Variants in CFAP54 observed in about 807,000 individuals in gnomAD.
The protein encoded by CFAP54 is cilia- and flagella-associated protein 54.
In CFAP54, 290 loss-of-function variants were observed where a neutral mutation model predicts 370.4. The observed-to-expected ratio is 0.78, with a 90% CI of 0.71 to 0.86. The LOEUF is 0.86. Ranked by LOEUF, CFAP54 falls within the 40% of genes least tolerant of loss-of-function variation. CFAP54 has a pLI of 0.00. For missense variants in CFAP54, 3,399 were observed against 3,528.7 expected (o/e 0.96, Z 0.93); for synonymous variants, 1,206 against 1,236.5 (o/e 0.98, Z 0.52).
intron 55 of CFAP54, among the ~76,000 whole-genome samples, chr12:96,751,871 GGCACCT>G: frequency 6.6e-6 from 1 of 152,092 alleles, no homozygotes; most frequent in East Asian, 1.9e-4. Flanking sequence ...TATTTAGAAG[GGCACCT>G]CCTCACTTGT....
intron 55 of CFAP54, among the ~76,000 whole-genome samples, chr12:96,747,118 C>G (rs979183973): frequency 1.3e-5 from 2 of 152,150 alleles, no homozygotes; most frequent in Non-Finnish European, 2.9e-5. Flanking sequence ...ATCCCGGGCA[C>G]CTAGCACAGT....
chr12:96,538,358 A>G (rs967735678), intron 12 of CFAP54, 26 bp from the exon 13 acceptor site: 2 of 1,515,764 alleles, frequency 1.3e-6, no homozygotes, highest in African/African-American at 1.4e-5. Flanking sequence ...ATTCCTACTC[A>G]TTTACCTTCT....
chr12:96,798,234 T>C (rs959629357), intron 63 of CFAP54, among the ~76,000 whole-genome samples: 7 of 152,108 alleles, frequency 4.6e-5, no homozygotes, highest in African/African-American at 1.7e-4. Flanking sequence ...ATTTTAGACG[T>C]TTCTTCTAGG....
At position 96,859,670 on chromosome 12, in the gene CFAP54, G is replaced by T. The variant is rs187959910; in HGVS notation, c.9172-1149G>T. 5.6e-3 allele frequency among the ~76,000 whole-genome samples: 860 copies of T among 152,266 alleles called. 9 individuals carry two copies. The highest frequency in any genetic ancestry group is 0.019 in the African/African-American group (810 of 41,560). On this transcript the variant is annotated intron_variant, in intron 66 of 67. Coordinates refer to ENST00000524981, the MANE Select transcript of CFAP54 (RefSeq NM_001306084.2). ...TCCTCCCACCTTGGCCTCCCAAAGT[G>T]TTGGGATTACAGGCGTGAGCCACCA...
intron 44 of CFAP54, among the ~76,000 whole-genome samples, chr12:96,692,459 T>C (rs1957398309): frequency 6.6e-6 from 1 of 152,192 alleles, no homozygotes; most frequent in African/African-American, 2.4e-5. Context: ...AATTGAGCAA[T>C]TGGCAGCAAT....
Position 96,536,626 on chromosome 12 carries a change from CT to C in CFAP54, c.1791+1044del, listed in dbSNP as rs10638883. Among the ~76,000 whole-genome samples, 1,292 of 138,120 alleles carry C rather than the reference CT, an allele frequency of 9.4e-3. 9 individuals carry two copies. Among genetic ancestry groups the C allele is most frequent in the African/African-American group, 0.031 (1,158 of 36,876 alleles). The allele number at this position is 138,120 out of a possible 152,430, so 90.6% of individuals were successfully genotyped here. On this transcript the variant is annotated intron_variant, in intron 12 of 67. Coordinates refer to ENST00000524981, the MANE Select transcript of CFAP54 (RefSeq NM_001306084.2). ...TGTTTTTCTTTGTCTTTTTCTTTTT[CT>C]TTTTTTTTTTTTTTTTTGAGACAGA...
chr12:96,515,951 T>C (rs1202794466), intron 5 of CFAP54, among the ~76,000 whole-genome samples: 1 of 143,934 alleles, frequency 6.9e-6, no homozygotes, highest in African/African-American at 2.6e-5. Flanking sequence ...AGTCTCGCTC[T>C]GTCGCCCAGG....
chr12:96,789,527 C>G (rs886643873), intron 62 of CFAP54, among the ~76,000 whole-genome samples: 1 of 152,154 alleles, frequency 6.6e-6, no homozygotes, highest in Admixed American at 6.5e-5. Context: ...TTCAACTGAT[C>G]TATTCTTGTG....
At chr12:96,510,023 A>G (rs1017192296) in intron 4 of CFAP54, among the ~76,000 whole-genome samples, 1 of 151,934 alleles carries the variant, frequency 6.6e-6, no homozygotes, top group African/African-American at 2.4e-5. Flanking sequence ...CACGCCTGTA[A>G]TCCTAGCACT....
chr12:96,637,673 A>G (rs1565923204), intron 32 of CFAP54, among the ~76,000 whole-genome samples: 1 of 152,242 alleles, frequency 6.6e-6, no homozygotes, highest in Non-Finnish European at 1.5e-5. Flanking sequence ...CAATGCAATT[A>G]AGGTAGAAAC....
intron 44 of CFAP54, among the ~76,000 whole-genome samples, chr12:96,693,293 G>A (rs1371905043): frequency 6.6e-6 from 1 of 152,118 alleles, no homozygotes; most frequent in Non-Finnish European, 1.5e-5. Flanking sequence ...GAATAAGTAG[G>A]ATCCAGTTAG....
chr12:96,493,007 AAAG>A (rs915367769), intron 1 of CFAP54, among the ~76,000 whole-genome samples: 5 of 152,140 alleles, frequency 3.3e-5, no homozygotes, highest in East Asian at 1.9e-4. Context: ...AAAAAAAAAA[AAAG>A]AGTTATTATC....
intron 50 of CFAP54, among the ~76,000 whole-genome samples, chr12:96,728,279 C>G (rs1957868163): frequency 1.3e-5 from 2 of 152,210 alleles, no homozygotes; most frequent in Admixed American, 6.5e-5. Flanking sequence ...TGTTTTCCAA[C>G]TTGGTTCCAT....
chr12:96,517,962 T>C (rs1271873599), intron 5 of CFAP54, among the ~76,000 whole-genome samples: 1 of 152,230 alleles, frequency 6.6e-6, no homozygotes, highest in Non-Finnish European at 1.5e-5. Flanking sequence ...CTTTGTGCTG[T>C]TCTGGAAGAC....
intron 50 of CFAP54, among the ~76,000 whole-genome samples, chr12:96,736,698 G>A (rs558758263): frequency 1.3e-5 from 2 of 152,232 alleles, no homozygotes; most frequent in South Asian, 2.1e-4. Context: ...AACAAAGATG[G>A]CAATATCAAT....
At chr12:96,674,754 T>G (rs1812944440) in intron 39 of CFAP54, among the ~76,000 whole-genome samples, 1 of 152,206 alleles carries the variant, frequency 6.6e-6, no homozygotes, top group African/African-American at 2.4e-5. Context: ...GAATGTAAGC[T>G]TGGTGAGAAT....
intron 62 of CFAP54, among the ~76,000 whole-genome samples, chr12:96,789,691 A>T (rs1214493808): frequency 6.6e-6 from 1 of 152,176 alleles, no homozygotes; most frequent in African/African-American, 2.4e-5. Context: ...ATACGTTGTA[A>T]ATACAAGTGA....
chr12:96,653,708 G>A (rs900662840), intron 36 of CFAP54, among the ~76,000 whole-genome samples: 4 of 150,884 alleles, frequency 2.7e-5, no homozygotes, highest in Admixed American at 2.0e-4. Flanking sequence ...GAAAAAAAGA[G>A]CAAATTAAAT....
In CFAP54 at chr12:96,584,350, G is replaced by T. The variant is rs893556648; in HGVS notation, c.3075+3245G>T. The stretch of plus-strand genomic sequence containing the variant: ...GTGGTGGCACGCACCTGTAATCCCA[G>T]CTACTTAGGAGGCTGAGGTGGGAGG... On this transcript the variant is annotated intron_variant, in intron 22 of 67. Transcript: ENST00000524981. Among the ~76,000 whole-genome samples, 7 of 152,138 alleles carry T rather than the reference G, an allele frequency of 4.6e-5. No homozygotes were observed. The East Asian group carries it at 1.4e-3, about 29-fold the overall frequency.
Sources: allele counts gnomAD v4.1 joint callset (sites outside exome capture counted in the v4.1 genomes callset), GRCh38; gene constraint gnomAD v4.1.1; transcripts MANE v1.5; gene names NCBI Gene and HGNC (gene_info 2026-07-23, HGNC 2026-07-21).